Variants in CBR3 observed in about 807,000 individuals in gnomAD.
The protein encoded by CBR3 is carbonyl reductase 3, also known as carbonyl reductase [NADPH] 3.
A neutral mutation model predicts 11.6 loss-of-function variants in CBR3; 14 were observed. The observed-to-expected ratio is 1.20, with a 90% confidence interval of 0.79 to 1.88. CBR3 has a LOEUF of 1.88. Among genes scored for constraint, CBR3 ranks in the 40% most tolerant of loss-of-function variants. The pLI is 0.00. For missense variants in CBR3, 308 were observed against 357.3 expected, an observed-to-expected ratio of 0.86 and a Z score of 1.11; for synonymous variants, 125 against 145.6, an observed-to-expected ratio of 0.86 and a Z score of 1.02.
intron 1 of CBR3, among the ~76,000 whole-genome samples, chr21:36,137,550 GGAAGGAAGGAAA>G (rs1201830426): frequency 2.9e-5 from 3 of 104,976 alleles, no homozygotes; most frequent in Non-Finnish European, 4.0e-5. Flanking sequence ...AAGGAAGGAA[GGAAGGAAGGAAA>G]GAAAATGCAA....
intron 1 of CBR3, among the ~76,000 whole-genome samples, chr21:36,136,030 A>G (rs1438234994): frequency 2.0e-5 from 3 of 152,110 alleles, no homozygotes; most frequent in African/African-American, 7.2e-5. Flanking sequence ...AAAGGAAGCG[A>G]GCCTTCTCGT....
rs879447826 is a variant in CBR3 at position 36,138,123 on chromosome 21, G to GTTTAA, written c.397+195_397+196insATTTA. Among the ~76,000 whole-genome samples the GTTTAA allele has an allele frequency of 3.6e-3, 554 of 151,892 alleles. 3 individuals are homozygous for GTTTAA. Among genetic ancestry groups the GTTTAA allele is most frequent in the Non-Finnish European group, 6.2e-3 (418 of 67,948 alleles). On this transcript the variant is annotated intron_variant, in intron 2 of 2. Transcript: ENST00000290354. ...CAACATTTTAGTTTAGTTTAGTTTAGTTTAGTTTAGTTTTGTTTTGTTTGG... is the reference window on the plus strand; with the variant it reads ...CAACATTTTAGTTTAGTTTAGTTTAGTTTAATTTAGTTTAGTTTTGTTTTGTTTGG...
chr21:36,139,413 G>A (rs1216904078), intron 2 of CBR3, among the ~76,000 whole-genome samples: 4 of 131,706 alleles, frequency 3.0e-5, no homozygotes, highest in Non-Finnish European at 6.3e-5. Flanking sequence ...ACAGAGTTTC[G>A]CTCTGTTGCC....
intron 2 of CBR3, chr21:36,138,497 G>C (rs2065680411): frequency 6.6e-6 from 1 of 152,478 alleles, no homozygotes; most frequent in South Asian, 2.1e-4. Context: ...AATGCTTTTG[G>C]GATCCATGTC....
intron 2 of CBR3, chr21:36,138,391 C>G (rs1301292583): frequency 6.5e-6 from 1 of 154,424 alleles, no homozygotes; most frequent in East Asian, 1.9e-4. Context: ...TTCAGGTGAT[C>G]CACCCACCTT....
At chr21:36,135,625 G>A (rs1263768559) in intron 1 of CBR3, 144 bp downstream of exon 1, 5 of 771,544 alleles carry the variant, frequency 6.5e-6, no homozygotes, top group East Asian at 6.4e-5. Context: ...CGCCTCCCGC[G>A]AGGCGGTTTT....
At chr21:36,145,684 G>A (rs2065748125) in intron 2 of CBR3, among the ~76,000 whole-genome samples, 1 of 152,110 alleles carries the variant, frequency 6.6e-6, no homozygotes, top group African/African-American at 2.4e-5. Context: ...CAATGGCCAG[G>A]TGCGGTGGCT....
At chr21:36,142,434 A>AAAAAAAAAAAAAAAAC in intron 2 of CBR3, among the ~76,000 whole-genome samples, 1 of 148,280 alleles carries the variant, frequency 6.7e-6, no homozygotes, top group African/African-American at 2.5e-5. Context: ...TCCATCTCAA[A>AAAAAAAAAAAAAAAAC]AAAAAAAAAA....
chr21:36,135,274 C>T lies in CBR3; in HGVS notation c.82C>T (p.Gln28Ter), dbSNP rs768139296. ...GLAIARELCRQFSGDVVLTAR... is the reference protein window; with the variant it reads ...GLAIARELCR ...GGCCATCGCGCGCGAACTGTGCCGA[C>T]AGTTCTCTGGGGATGTGGTGCTCAC... Residue 28 changes from glutamine to a stop codon, truncating the protein, a stop_gained, in exon 1 of 3, where the codon CAG becomes TAG. Coordinates refer to ENST00000290354, the MANE Select transcript of CBR3 (RefSeq NM_001236.4). LOFTEE classifies it high-confidence loss of function. The T allele has an allele frequency of 1.9e-6, 3 of 1,605,630 alleles. No homozygotes were observed. Among genetic ancestry groups the T allele is most frequent in the African/African-American group, 1.3e-5 (1 of 74,714 alleles).
chr21:36,139,963 C>G (rs1451333364), intron 2 of CBR3, among the ~76,000 whole-genome samples: 1 of 146,852 alleles, frequency 6.8e-6, no homozygotes, highest in East Asian at 2.1e-4. Context: ...GCTCAGCTCG[C>G]TGCAACCTCC....
intron 2 of CBR3, 94 bp from the exon 3 acceptor site, chr21:36,145,981 AC>A: frequency 1.4e-5 from 11 of 785,244 alleles, no homozygotes; most frequent in Non-Finnish European, 2.0e-5. Context: ...AAAAAAAAAA[AC>A]CTGCACCAAG....
chr21:36,146,023 C>A, intron 2 of CBR3, 53 bp from the exon 3 acceptor site: 1 of 1,123,932 alleles, frequency 8.9e-7, no homozygotes, highest in Non-Finnish European at 1.3e-6. Flanking sequence ...TATTATTCAA[C>A]CAGTGGTTGT....
chr21:36,140,103 G>A (rs1002557241), intron 2 of CBR3, among the ~76,000 whole-genome samples: 14 of 151,974 alleles, frequency 9.2e-5, no homozygotes, highest in African/African-American at 3.4e-4. Flanking sequence ...TGGCCAGCTT[G>A]ATCTCGAATT....
At chr21:36,140,747 C>A (rs577224645) in intron 2 of CBR3, among the ~76,000 whole-genome samples, 2 of 152,228 alleles carry the variant, frequency 1.3e-5, no homozygotes, top group East Asian at 1.9e-4. Context: ...GTGGCTCACA[C>A]CTGTAATCCT....
At position 36,142,436 on chromosome 21, in the gene CBR3, A is replaced by AAAAAAAAAAAAAAAC. The variant is rs71196989; in HGVS notation, c.398-3628_398-3627insAACAAAAAAAAAAAA. On this transcript the variant is annotated intron_variant, in intron 2 of 2. Transcript: ENST00000290354. ...GACAGAGCGAGACTCCATCTCAAAA[A>AAAAAAAAAAAAAAAC]AAAAAAAAAAAACGCAATCCATGAT... Among the ~76,000 whole-genome samples, 1,167 of 119,616 alleles carry AAAAAAAAAAAAAAAC rather than the reference A, an allele frequency of 9.8e-3. 81 individuals are homozygous for AAAAAAAAAAAAAAAC. The highest frequency in any genetic ancestry group is 0.032 in the East Asian group (116 of 3,592). The allele number at this position is 119,616 out of a possible 152,430, so 78.5% of individuals were successfully genotyped here. A position where few individuals can be genotyped will look rare whatever the true frequency, so the allele number is the denominator to read the frequency against.
chr21:36,135,474 CT>C lies in CBR3; in HGVS notation c.284del (p.Phe95SerfsTer15). 6.2e-7 allele frequency: 1 copy of C among 1,609,668 alleles called. No individual in the cohort carries two copies. Among genetic ancestry groups the C allele is most frequent in the Non-Finnish European group, 8.5e-7 (1 of 1,177,286 alleles). ...NVLVNNAAVA[F>X]KSDDPMPFDI... is the part of the protein sequence containing the mutation. ...TACTGGTCAACAACGCGGCCGTCGCCTTCAAGAGTAGGTGCAGGGCTTGGGT... is the reference window on the plus strand; with the variant it reads ...TACTGGTCAACAACGCGGCCGTCGCCTCAAGAGTAGGTGCAGGGCTTGGGT... On this transcript the variant is annotated frameshift_variant, in exon 1 of 3. Coordinates refer to ENST00000290354, the MANE Select transcript of CBR3 (RefSeq NM_001236.4). LOFTEE classifies it high-confidence loss of function.
chr21:36,141,936 T>G, intron 2 of CBR3: 4 of 984,392 alleles, frequency 4.1e-6, no homozygotes, highest in Non-Finnish European at 4.8e-6. Context: ...GCCAAGTTTC[T>G]GAGAACAAAG....
intron 2 of CBR3, among the ~76,000 whole-genome samples, chr21:36,143,166 A>G (rs2065726874): frequency 6.6e-6 from 1 of 151,966 alleles, no homozygotes; most frequent in Non-Finnish European, 1.5e-5. Flanking sequence ...TTAGCTGGGC[A>G]TGGTGGCGCA....
chr21:36,135,192 C>T lies in CBR3; in HGVS notation c.-1C>T, dbSNP rs2065648246. On this transcript the variant is annotated 5_prime_UTR_variant, in exon 1 of 3. Coordinates refer to ENST00000290354, the MANE Select transcript of CBR3 (RefSeq NM_001236.4). ...AGGTGCCCCGCGCTCCCCGCTCAGC[C>T]ATGTCGTCCTGCAGCCGCGTGGCGC... is the stretch of plus-strand genomic sequence containing the variant. The T allele has an allele frequency of 6.8e-7, 1 of 1,474,006 alleles. No individual in the cohort carries two copies. Among genetic ancestry groups the T allele is most frequent in the East Asian group, 2.5e-5 (1 of 39,364 alleles). 91.3% of individuals were successfully genotyped at this position (1,474,006 alleles called of 1,614,324 possible).
Sources: allele counts gnomAD v4.1 joint callset (sites outside exome capture counted in the v4.1 genomes callset), GRCh38; gene constraint gnomAD v4.1.1; transcripts MANE v1.5; gene names NCBI Gene and HGNC (gene_info 2026-07-23, HGNC 2026-07-21).